TMEM117: variants seen among roughly 807,000 people sequenced by gnomAD.
TMEM117 encodes the protein transmembrane protein 117.
TMEM117 carries 27 observed loss-of-function variants against 52.4 expected under a neutral mutation model. The observed-to-expected ratio is 0.51, with a 90% CI of 0.38 to 0.71. The LOEUF (loss-of-function observed/expected upper bound fraction) is 0.71, where lower values mean the gene tolerates loss of function less well. TMEM117 is among the 30% of genes least tolerant of loss of function. The probability of loss-of-function intolerance (pLI) is 0.00; values close to 1 mark genes in which losing one functional copy is unlikely to be tolerated. For missense variants in TMEM117, 556 were observed against 630.5 expected (o/e 0.88, Z 1.26); for synonymous variants, 215 against 206.3 (o/e 1.04, Z -0.36).
Position 44,361,211 on chromosome 12 carries a change from A to G in TMEM117, c.769-15384A>G, listed in dbSNP as rs189117538. 2.8e-4 allele frequency among the ~76,000 whole-genome samples: 42 copies of G among 152,306 alleles called. 1 individual carries two copies. The East Asian group carries it at 8.1e-3, about 29-fold the overall frequency. On this transcript the variant is annotated intron_variant, in intron 6 of 7. Transcript: ENST00000266534. ...ACTCCACGCTATAATTTGTTTTCAAATTATAGCAAAGATGAGCAATTTATA... is the reference window on the plus strand; with the variant it reads ...ACTCCACGCTATAATTTGTTTTCAAGTTATAGCAAAGATGAGCAATTTATA...
At chr12:44,064,318 A>T (rs908846647) in intron 3 of TMEM117, among the ~76,000 whole-genome samples, 17 of 152,252 alleles carry the variant, frequency 1.1e-4, no homozygotes, top group African/African-American at 4.1e-4. Flanking sequence ...TTTAAACTTC[A>T]GCTATTTGCA....
chr12:44,043,428 G>GT (rs1231023755), intron 3 of TMEM117, among the ~76,000 whole-genome samples: 4 of 152,224 alleles, frequency 2.6e-5, no homozygotes. Flanking sequence ...ATGGGGACAT[G>GT]TGGGAGGACC....
chr12:43,870,931 C>A (rs924512242), intron 2 of TMEM117, among the ~76,000 whole-genome samples: 1 of 148,350 alleles, frequency 6.7e-6, no homozygotes, highest in Non-Finnish European at 1.5e-5. Flanking sequence ...ATTACAGGCA[C>A]CTGCCATCAC....
chr12:44,179,560 A>G (rs1949162150), intron 4 of TMEM117, among the ~76,000 whole-genome samples: 1 of 152,242 alleles, frequency 6.6e-6, no homozygotes, highest in South Asian at 2.1e-4. Flanking sequence ...CTCAGCAGCA[A>G]GCTGCTTATC....
chr12:44,043,539 G>T (rs1447730914), intron 3 of TMEM117, among the ~76,000 whole-genome samples: 1 of 152,088 alleles, frequency 6.6e-6, no homozygotes, highest in East Asian at 1.9e-4. Context: ...TCCCCTCCCC[G>T]ACCCATGCTG....
chr12:44,068,712 A>G (rs1947258011), intron 3 of TMEM117, among the ~76,000 whole-genome samples: 1 of 152,208 alleles, frequency 6.6e-6, no homozygotes, highest in African/African-American at 2.4e-5. Flanking sequence ...TATAATAATA[A>G]TGATAAAGTT....
At chr12:44,210,124 CATTTCG>C (rs1949625502) in intron 4 of TMEM117, among the ~76,000 whole-genome samples, 1 of 152,088 alleles carries the variant, frequency 6.6e-6, no homozygotes, top group African/African-American at 2.4e-5. Context: ...CAGTAAACCT[CATTTCG>C]TTTCTGTTTT....
At chr12:44,043,509 C>T (rs1442961109) in intron 3 of TMEM117, among the ~76,000 whole-genome samples, 1 of 152,132 alleles carries the variant, frequency 6.6e-6, no homozygotes, top group Non-Finnish European at 1.5e-5. Context: ...ACAGCTGCCC[C>T]ATCCTCCATA....
intron 6 of TMEM117, among the ~76,000 whole-genome samples, chr12:44,357,927 C>T (rs1951672728): frequency 6.6e-6 from 1 of 152,098 alleles, no homozygotes; most frequent in South Asian, 2.1e-4. Flanking sequence ...AACCTAGGTG[C>T]CCATCAGTGG....
At chr12:44,154,629 C>T (rs11833168) in intron 4 of TMEM117, among the ~76,000 whole-genome samples, 12,131 of 150,474 alleles carry the variant, frequency 0.081, 1,392 homozygotes, top group African/African-American at 0.26. Flanking sequence ...TCAGTTTGAA[C>T]GAAAAATAAT....
At chr12:44,379,116 TA>T (rs531473540) in intron 7 of TMEM117, among the ~76,000 whole-genome samples, 4 of 143,358 alleles carry the variant, frequency 2.8e-5, no homozygotes, top group Non-Finnish European at 4.5e-5. Context: ...AACTCATCTC[TA>T]AAAAAAAATA....
rs755564665 is a variant in TMEM117, at chr12:44,277,908, C to T, written c.609-21672C>T. The stretch of plus-strand genomic sequence containing the variant: ...CCTCCTGAGTAGCTGGGATTACAGG[C>T]GCATGCCACCATGCCCAGCTAATTT... On this transcript the variant is annotated intron_variant, in intron 5 of 7. Coordinates refer to ENST00000266534, the MANE Select transcript of TMEM117 (RefSeq NM_032256.3). Among the ~76,000 whole-genome samples, 17 of 151,890 alleles carry T rather than the reference C, an allele frequency of 1.1e-4. No homozygotes were observed. The East Asian group carries it at 1.2e-3, about 10-fold the overall frequency.
At chr12:44,107,309 A>T (rs1045441457) in intron 3 of TMEM117, among the ~76,000 whole-genome samples, 1 of 152,124 alleles carries the variant, frequency 6.6e-6, no homozygotes, top group Non-Finnish European at 1.5e-5. Context: ...AAATAACTCC[A>T]TGTATATTTG....
chr12:43,944,131 A>G, intron 2 of TMEM117, 79 bp from the exon 3 acceptor site: 1 of 1,272,772 alleles, frequency 7.9e-7, no homozygotes, highest in Non-Finnish European at 1.1e-6. Flanking sequence ...AGACATTAAA[A>G]GATTCATTAA....
At chr12:44,152,444 TAA>T (rs1286783515) in intron 4 of TMEM117, among the ~76,000 whole-genome samples, 2 of 115,366 alleles carry the variant, frequency 1.7e-5, no homozygotes, top group Admixed American at 1.1e-4. Context: ...TATATTTATA[TAA>T]TATAAAAATT....
At chr12:44,186,260 T>C (rs528479736) in intron 4 of TMEM117, among the ~76,000 whole-genome samples, 1 of 152,288 alleles carries the variant, frequency 6.6e-6, no homozygotes, top group South Asian at 2.1e-4. Context: ...GCTCAGGAAC[T>C]CCTTTTGACT....
chr12:44,075,176 C>T (rs910937286), intron 3 of TMEM117, among the ~76,000 whole-genome samples: 1 of 152,190 alleles, frequency 6.6e-6, no homozygotes, highest in Non-Finnish European at 1.5e-5. Context: ...GCTATGCTCT[C>T]CTCTTAGGTT....
At chr12:44,046,266 C>T (rs1592470365) in intron 3 of TMEM117, among the ~76,000 whole-genome samples, 1 of 152,186 alleles carries the variant, frequency 6.6e-6, no homozygotes, top group East Asian at 1.9e-4. Context: ...TTCCATTAAA[C>T]TGCAAGTTAA....
At chr12:43,875,220 AGTGTGTGTGT>A (rs63614060) in intron 2 of TMEM117, among the ~76,000 whole-genome samples, 5 of 148,146 alleles carry the variant, frequency 3.4e-5, no homozygotes, top group Admixed American at 6.7e-5. Flanking sequence ...ATGGTGGGGA[AGTGTGTGTGT>A]GTGTGTGTGT....
Sources: allele counts gnomAD v4.1 joint callset (sites outside exome capture counted in the v4.1 genomes callset), GRCh38; gene constraint gnomAD v4.1.1; transcripts MANE v1.5; gene names NCBI Gene and HGNC (gene_info 2026-07-23, HGNC 2026-07-21).